Variants in ZNF185 observed in about 807,000 individuals in gnomAD.
ZNF185 encodes the protein zinc finger protein 185.
A neutral mutation model predicts 58.6 loss-of-function variants in ZNF185; 56 were observed. The observed-to-expected ratio is 0.95, with a 90% CI of 0.77 to 1.19. ZNF185 has a LOEUF of 1.19. Among genes scored for constraint, ZNF185 ranks in the 50% most tolerant of loss-of-function variants. The pLI, the probability that ZNF185 is intolerant of heterozygous loss-of-function variation, is 0.00. For synonymous variants in ZNF185, 230 were observed against 215.9 expected, an observed-to-expected ratio of 1.07 and a Z score of -0.57; for missense variants, 627 against 573.5, an observed-to-expected ratio of 1.09 and a Z score of -0.95.
intron 15 of ZNF185, among the ~76,000 whole-genome samples, chrX:152,944,674 CCTT>C (rs2047596481): frequency 8.9e-6 from 1 of 112,341 alleles, no homozygotes; most frequent in Non-Finnish European, 1.9e-5. Context: ...GAAGCCCTGT[CCTT>C]CTTGCTGGAT....
chrX:152,911,858 C>T, upstream of ZNF185, among the ~76,000 whole-genome samples: 1 of 83,836 alleles, frequency 1.2e-5, no homozygotes, highest in African/African-American at 4.6e-5. Context: ...CCCATTCCAT[C>T]CATCCATCCC....
At chrX:152,907,493 C>T in the ZNF185 span, among the ~76,000 whole-genome samples, 3 of 113,240 alleles carry the variant, frequency 2.6e-5, no homozygotes, top group African/African-American at 6.4e-5. Context: ...TCAGGGAAGG[C>T]CTGTCCTCAT....
At chrX:152,945,577 A>G (rs1199596348) in intron 16 of ZNF185, 113 bp downstream of exon 18, 14 of 850,275 alleles carry the variant, frequency 1.6e-5, no homozygotes, top group African/African-American at 4.2e-5. Context: ...GACACATTGC[A>G]CACCCAGGCT....
chrX:152,936,995 CATT>C, intron 14 of ZNF185, among the ~76,000 whole-genome samples: 2 of 111,900 alleles, frequency 1.8e-5, no homozygotes, highest in Non-Finnish European at 3.8e-5. Flanking sequence ...AGAAGCTGTG[CATT>C]CCCATGCTGT....
intron 15 of ZNF185, chrX:152,941,722 A>G (rs1869031329): frequency 7.7e-6 from 9 of 1,163,210 alleles, no homozygotes; most frequent in Non-Finnish European, 1.0e-5. Context: ...GCCGCCCGGG[A>G]CGAGCTCGGC....
intron 11 of ZNF185, 69 bp from the exon 13 acceptor site, chrX:152,928,506 A>G: frequency 8.9e-7 from 1 of 1,126,045 alleles, no homozygotes; most frequent in South Asian, 1.9e-5. Context: ...GGCCCACCGC[A>G]CTCACCAGCC....
chrX:152,963,972 C>G, intron 18 of ZNF185, 23 bp downstream of exon 20: 3 of 1,182,087 alleles, frequency 2.5e-6, no homozygotes, highest in Non-Finnish European at 3.5e-6. Flanking sequence ...ATCTAGCAAC[C>G]TGGGAGATGT....
intron 17 of ZNF185, among the ~76,000 whole-genome samples, chrX:152,961,373 G>A (rs1481452435): frequency 2.7e-5 from 3 of 112,307 alleles, no homozygotes; most frequent in Admixed American, 9.4e-5. Flanking sequence ...TAACACATGG[G>A]ATGCATGCCA....
At chrX:152,935,927 T>TC (rs1556881259) in intron 14 of ZNF185, among the ~76,000 whole-genome samples, 1 of 111,763 alleles carries the variant, frequency 8.9e-6, no homozygotes, top group East Asian at 2.8e-4. Flanking sequence ...GGTAAGACAT[T>TC]CCCCACTAAA....
chrX:152,947,515 G>C (rs1379294521), intron 16 of ZNF185, among the ~76,000 whole-genome samples: 1 of 112,275 alleles, frequency 8.9e-6, no homozygotes, highest in East Asian at 2.8e-4. Flanking sequence ...TTTGGGGGCA[G>C]GCCCGCTGAG....
chrX:152,932,637 G>A (rs963079276), intron 13 of ZNF185, among the ~76,000 whole-genome samples: 2 of 111,748 alleles, frequency 1.8e-5, no homozygotes, highest in Non-Finnish European at 3.8e-5. Context: ...CACCACCAAC[G>A]AACTAACCTC....
intron 9 of ZNF185, among the ~76,000 whole-genome samples, chrX:152,921,212 G>A (rs1939647440): frequency 1.8e-5 from 2 of 112,195 alleles, no homozygotes; most frequent in South Asian, 3.7e-4. Context: ...CTGAATGAGG[G>A]AGGGGTGTCA....
chrX:152,969,518 C>T (rs782100456), intron 21 of ZNF185, 34 bp downstream of exon 23: 13 of 1,090,291 alleles, frequency 1.2e-5, no homozygotes, highest in Middle Eastern at 2.4e-4. Context: ...TTGAGCTAGG[C>T]GGTAACTCCT....
intron 22 of ZNF185, 65 bp downstream of exon 24, chrX:152,970,606 G>C: frequency 4.0e-6 from 4 of 995,391 alleles, no homozygotes; most frequent in Non-Finnish European, 5.7e-6. Flanking sequence ...GATGCACCCT[G>C]GTCTCTCCTG....
chrX:152,920,740 C>T (rs782426926), exon 9 of ZNF185: 8 of 1,210,503 alleles, frequency 6.6e-6, no homozygotes, highest in East Asian at 3.0e-5. Flanking sequence ...CACCGTTTAT[C>T]GCGAAGAGGT....
chrX:152,917,020 G>A (rs1556866166), intron 3 of ZNF185, 111 bp from the exon 5 acceptor site: 1 of 1,070,092 alleles, frequency 9.3e-7, no homozygotes. Context: ...TGGGACACCT[G>A]GAGCACTTGC....
chrX:152,926,403 C>T (rs1362065312), intron 11 of ZNF185, among the ~76,000 whole-genome samples: 6 of 112,475 alleles, frequency 5.3e-5, no homozygotes, highest in Non-Finnish European at 1.1e-4. Context: ...TATTCAAATA[C>T]AGGAAGAGAT....
In ZNF185 at chrX:152,938,044, A is replaced by G. The variant is rs2046559492; in HGVS notation, c.1122-30A>G. ...GGGCCCCAGCCTTCTTTGGTCTGAG[A>G]TCTCAGCAGGCCTGTGTTTCCTTCC... is the stretch of plus-strand genomic sequence containing the variant. On this transcript the variant is annotated intron_variant, in intron 14 of 22. Coordinates refer to ENST00000449285, the Ensembl canonical transcript of ZNF185. 11 of 1,162,189 alleles carry G rather than the reference A, an allele frequency of 9.5e-6. No homozygotes were observed. In the East Asian group the frequency reaches 3.6e-4, roughly 38 times the overall value.
rs57118182 is a variant in ZNF185, at chrX:152,939,776, G to GTTTT, written c.1211+1634_1211+1637dup. Among the ~76,000 whole-genome samples, 304 of 49,714 alleles carry GTTTT rather than the reference G, an allele frequency of 6.1e-3. 2 individuals carry two copies. The highest frequency in any genetic ancestry group is 7.2e-3 in the Non-Finnish European group (215 of 30,010). The allele number at this position is 49,714 out of a possible 115,157, so 43.2% of individuals were successfully genotyped here. On this transcript the variant is annotated intron_variant, in intron 15 of 22. Coordinates refer to ENST00000449285, the Ensembl canonical transcript of ZNF185. The stretch of plus-strand genomic sequence containing the variant: ...TTTAAACGTCTGCAAAATCAGAGGT[G>GTTTT]TTTTTTTTTTTTTTTTTTTTTTTTG...
Sources: allele counts gnomAD v4.1 joint callset (sites outside exome capture counted in the v4.1 genomes callset), GRCh38; gene constraint gnomAD v4.1.1; transcripts MANE v1.5; gene names NCBI Gene and HGNC (gene_info 2026-07-23, HGNC 2026-07-21).